Variants in ASTN2 observed in about 807,000 individuals in gnomAD.
The protein encoded by ASTN2 is astrotactin-2.
Under a neutral mutation model 139.8 loss-of-function variants are expected in ASTN2, and 54 were observed. The ratio of observed to expected loss-of-function variants is 0.39; its 90% CI spans 0.31 to 0.48. The LOEUF is 0.48. ASTN2 is among the 20% of genes least tolerant of loss of function. The probability of loss-of-function intolerance (pLI) is 0.95; values close to 1 mark genes in which losing one functional copy is unlikely to be tolerated. For synonymous variants in ASTN2, 756 were observed against 719.5 expected (o/e 1.05, Z -0.81); for missense variants, 1,565 against 1,725.1 (o/e 0.91, Z 1.64).
chr9:117,045,047 G>A (rs569911589), intron 5 of ASTN2, among the ~76,000 whole-genome samples: 2 of 152,188 alleles, frequency 1.3e-5, no homozygotes, highest in East Asian at 1.9e-4. Flanking sequence ...CATGGAATAA[G>A]GTCCCAGGAT....
intron 10 of ASTN2, among the ~76,000 whole-genome samples, chr9:116,931,160 C>T (rs1269828483): frequency 6.6e-6 from 1 of 152,206 alleles, no homozygotes; most frequent in Admixed American, 6.5e-5. Context: ...TGTGACGTAC[C>T]TGGCAGGGTT....
chr9:117,312,593 G>A (rs571855001), intron 1 of ASTN2, among the ~76,000 whole-genome samples: 9 of 152,124 alleles, frequency 5.9e-5, no homozygotes, highest in Non-Finnish European at 1.3e-4. Context: ...AGAAGCAAAA[G>A]ACAGAATGCA....
At chr9:116,443,770 C>G (rs1224980998) in intron 20 of ASTN2, among the ~76,000 whole-genome samples, 1 of 152,128 alleles carries the variant, frequency 6.6e-6, no homozygotes, top group East Asian at 1.9e-4. Context: ...TTTTCACCAG[C>G]TTTTAAGGGT....
At chr9:117,398,600 C>A (rs1453566230) in intron 1 of ASTN2, among the ~76,000 whole-genome samples, 1 of 152,202 alleles carries the variant, frequency 6.6e-6, no homozygotes, top group African/African-American at 2.4e-5. Flanking sequence ...CAAATCTCTT[C>A]CCCTCTTTGG....
At chr9:116,637,633 T>C (rs1857136147) in intron 17 of ASTN2, among the ~76,000 whole-genome samples, 1 of 152,062 alleles carries the variant, frequency 6.6e-6, no homozygotes, top group Admixed American at 6.5e-5. Flanking sequence ...TATAGAAAAA[T>C]ACTTTGATTC....
At chr9:116,715,228 T>C (rs906870615) in intron 16 of ASTN2, among the ~76,000 whole-genome samples, 3 of 152,288 alleles carry the variant, frequency 2.0e-5, no homozygotes, top group African/African-American at 7.2e-5. Context: ...CTTTTCTATT[T>C]GTGACAGTTC....
chr9:117,306,779 C>A (rs147991348), intron 1 of ASTN2, among the ~76,000 whole-genome samples: 7 of 152,166 alleles, frequency 4.6e-5, no homozygotes, highest in Admixed American at 3.3e-4. Flanking sequence ...ATCCACTCAT[C>A]CCATGCACCT....
intron 16 of ASTN2, among the ~76,000 whole-genome samples, chr9:116,658,733 C>CTTTTTTTTTTTTTT (rs71502074): frequency 1.4e-4 from 14 of 101,094 alleles, no homozygotes; most frequent in South Asian, 4.4e-4. Context: ...GACCACCGCT[C>CTTTTTTTTTTTTTT]TTTTTTTTTT....
At chr9:117,282,456 T>A (rs1005435561) in intron 2 of ASTN2, among the ~76,000 whole-genome samples, 2 of 152,234 alleles carry the variant, frequency 1.3e-5, no homozygotes, top group Non-Finnish European at 2.9e-5. Context: ...TGGCCCACAC[T>A]AATGGGACAG....
At chr9:116,688,993 G>C (rs1056539477) in intron 16 of ASTN2, among the ~76,000 whole-genome samples, 2 of 152,138 alleles carry the variant, frequency 1.3e-5, no homozygotes, top group Admixed American at 6.5e-5. Context: ...GCAATGTCTG[G>C]AGATGTTTTT....
chr9:117,149,039 A>G (rs1185839995), intron 3 of ASTN2, among the ~76,000 whole-genome samples: 2 of 150,182 alleles, frequency 1.3e-5, no homozygotes, highest in Non-Finnish European at 3.0e-5. Flanking sequence ...ATTTTTTTTG[A>G]GACGGAGTCT....
chr9:117,122,855 C>T (rs1407095426), intron 4 of ASTN2, among the ~76,000 whole-genome samples: 1 of 152,120 alleles, frequency 6.6e-6, no homozygotes, highest in East Asian at 1.9e-4. Flanking sequence ...CGAAACATGT[C>T]CCAATTCCCC....
At chr9:116,496,815 G>C (rs1216413479) in intron 19 of ASTN2, among the ~76,000 whole-genome samples, 1 of 152,212 alleles carries the variant, frequency 6.6e-6, no homozygotes, top group Non-Finnish European at 1.5e-5. Flanking sequence ...AGGCAAGAGA[G>C]CTTGTGCAGG....
intron 17 of ASTN2, among the ~76,000 whole-genome samples, chr9:116,637,525 C>T (rs1277730850): frequency 5.3e-5 from 8 of 152,160 alleles, no homozygotes; most frequent in South Asian, 2.1e-4. Flanking sequence ...CCTCATCTCT[C>T]GCTTTCAAAA....
At position 117,414,741 on chromosome 9, in the gene ASTN2, C is replaced by G; in HGVS notation, c.198G>C (p.Lys66Asn). The G allele has an allele frequency of 7.8e-7, 1 of 1,274,510 alleles. No homozygotes were observed. Among genetic ancestry groups the G allele is most frequent in the Non-Finnish European group, 9.9e-7 (1 of 1,009,506 alleles). The allele number at this position is 1,274,510 out of a possible 1,614,324, so 79.0% of individuals were successfully genotyped here. A position where few individuals can be genotyped will look rare whatever the true frequency, so the allele number is the denominator to read the frequency against. Residue 66 changes from lysine (K) to asparagine (N), a missense_variant, in exon 1 of 23, where the codon AAG becomes AAC. Physicochemically the swap from Lys to Asn is moderately conservative, Grantham distance 94 (BLOSUM62 0). Transcript: ENST00000313400. The surrounding 1 kb of genome is among the most constrained non-coding windows in gnomAD (Gnocchi z 4.2). ...SREPDSPCRL[K>N]TVTVSTLPAL... ...CGGGCAGTGTGGACACCGTGACGGTCTTCAGCCGGCACGGGCTGTCGGGCT... is the reference window on the plus strand; with the variant it reads ...CGGGCAGTGTGGACACCGTGACGGTGTTCAGCCGGCACGGGCTGTCGGGCT...
intron 10 of ASTN2, among the ~76,000 whole-genome samples, chr9:116,933,537 T>C (rs1834972143): frequency 6.6e-6 from 1 of 152,072 alleles, no homozygotes; most frequent in African/African-American, 2.4e-5. Context: ...AACTACAGCA[T>C]TCATTTCACA....
chr9:116,467,530 G>T (rs1191114117), intron 20 of ASTN2, among the ~76,000 whole-genome samples: 1 of 152,212 alleles, frequency 6.6e-6, no homozygotes, highest in Non-Finnish European at 1.5e-5. Flanking sequence ...CTCCCAAAGT[G>T]CTCGGATTAC....
rs866919971 is a variant in ASTN2 at position 116,442,665 on chromosome 9, T to A, written c.3498-112A>T. Reference sequence around the variant, plus strand: ...CATGAGGCTACAGGAAAAATGATTTTAAAAAAAGAATGATACTTATAAAGC... The same window carrying A: ...CATGAGGCTACAGGAAAAATGATTTAAAAAAAAGAATGATACTTATAAAGC... On this transcript the variant is annotated intron_variant, in intron 20 of 22. Transcript: ENST00000313400. 77 of 850,398 alleles carry A rather than the reference T, an allele frequency of 9.1e-5. 1 individual carries two copies. The Middle Eastern group carries it at 1.1e-3, about 12-fold the overall frequency. The allele number at this position is 850,398 out of a possible 1,614,324, so 52.7% of individuals were successfully genotyped here. A position where few individuals can be genotyped will look rare whatever the true frequency, so the allele number is the denominator to read the frequency against.
intron 10 of ASTN2, among the ~76,000 whole-genome samples, chr9:116,927,149 G>C (rs1393387999): frequency 6.6e-6 from 1 of 152,174 alleles, no homozygotes; most frequent in Non-Finnish European, 1.5e-5. Flanking sequence ...GTTTCACTGA[G>C]GAATGTATGT....
Sources: allele counts gnomAD v4.1 joint callset (sites outside exome capture counted in the v4.1 genomes callset), GRCh38; gene constraint gnomAD v4.1.1; non-coding constraint Gnocchi (gnomAD v3.1); transcripts MANE v1.5; gene names NCBI Gene and HGNC (gene_info 2026-07-23, HGNC 2026-07-21).